PIP4K2B: variants seen among roughly 807,000 people sequenced by gnomAD.
The protein encoded by PIP4K2B is phosphatidylinositol 5-phosphate 4-kinase type-2 beta.
In PIP4K2B, 3 loss-of-function variants were observed where a neutral mutation model predicts 42.0. The observed-to-expected ratio is 0.07, with a 90% CI of 0.03 to 0.18. The LOEUF (loss-of-function observed/expected upper bound fraction) is 0.18, where lower values mean the gene tolerates loss of function less well. PIP4K2B is among the 10% of genes least tolerant of loss of function. The probability of loss-of-function intolerance (pLI) is 1.00; values close to 1 mark genes in which losing one functional copy is unlikely to be tolerated. For synonymous variants in PIP4K2B, 204 were observed against 210.1 expected (o/e 0.97, Z 0.25); for missense variants, 332 against 562.3 (o/e 0.59, Z 4.14).
chr17:38,791,924 C>T (rs1910363833), intron 1 of PIP4K2B, among the ~76,000 whole-genome samples: 1 of 150,296 alleles, frequency 6.7e-6, no homozygotes, highest in African/African-American at 2.4e-5. Flanking sequence ...CCCGTCTCTA[C>T]TAAAAAAAAA....
At chr17:38,775,175 G>C (rs927925085) in intron 7 of PIP4K2B, among the ~76,000 whole-genome samples, 2 of 152,038 alleles carry the variant, frequency 1.3e-5, no homozygotes, top group African/African-American at 4.8e-5. Context: ...GGATGGTCTC[G>C]ATCTCCTGAC....
chr17:38,781,869 G>A (rs1449038923), intron 3 of PIP4K2B, among the ~76,000 whole-genome samples: 2 of 151,530 alleles, frequency 1.3e-5, no homozygotes, highest in African/African-American at 4.9e-5. Context: ...CTGGAGTATA[G>A]TGGTGCGATC....
Position 38,768,283 on chromosome 17 carries a change from G to GAGC in PIP4K2B, c.*1407_*1408insGCT, listed in dbSNP as rs1908811527. Reference sequence around the variant, plus strand: ...TCTCTCCTGGCCAGAGCAGCCTGTGGCTCAGTTCTGAGGGCCTGGGTGGCA... The same window carrying GAGC: ...TCTCTCCTGGCCAGAGCAGCCTGTGGAGCCTCAGTTCTGAGGGCCTGGGTGGCA... On this transcript the variant is annotated 3_prime_UTR_variant, in exon 10 of 10. Transcript: ENST00000619039. The GAGC allele has an allele frequency of 1.3e-5, 2 of 152,348 alleles. No homozygotes were observed. The highest frequency in any genetic ancestry group is 2.9e-5 in the Non-Finnish European group (2 of 68,054). The allele number at this position is 152,348 out of a possible 1,614,324, so 9.4% of individuals were successfully genotyped here.
chr17:38,783,910 T>C (rs1246174249), intron 3 of PIP4K2B, among the ~76,000 whole-genome samples: 2 of 152,150 alleles, frequency 1.3e-5, no homozygotes, highest in African/African-American at 4.8e-5. Flanking sequence ...CCAGTTCTCT[T>C]TGAAGTCAAA....
chr17:38,788,177 A>AATTTATTT (rs56975985), intron 1 of PIP4K2B, among the ~76,000 whole-genome samples: 4,240 of 144,386 alleles, frequency 0.029, 157 homozygotes, highest in Admixed American at 0.096. Context: ...TAATAGATTA[A>AATTTATTT]ATTTATTTAT....
At chr17:38,792,411 G>A (rs1476159152) in intron 1 of PIP4K2B, among the ~76,000 whole-genome samples, 1 of 152,162 alleles carries the variant, frequency 6.6e-6, no homozygotes, top group African/African-American at 2.4e-5. Context: ...CTCAAAGTGA[G>A]AGGTATGATT....
At chr17:38,795,957 G>A (rs1910638305) in intron 1 of PIP4K2B, among the ~76,000 whole-genome samples, 1 of 152,040 alleles carries the variant, frequency 6.6e-6, no homozygotes, top group South Asian at 2.1e-4. Flanking sequence ...TGGCCGACAT[G>A]GTGAAACCTT....
intron 7 of PIP4K2B, among the ~76,000 whole-genome samples, chr17:38,777,078 G>C (rs1032903089): frequency 1.3e-5 from 2 of 151,892 alleles, no homozygotes. Context: ...TTCGGTTTTT[G>C]TTTTGAGACA....
At chr17:38,788,670 A>G (rs1910173996) in intron 1 of PIP4K2B, among the ~76,000 whole-genome samples, 1 of 151,620 alleles carries the variant, frequency 6.6e-6, no homozygotes, top group Non-Finnish European at 1.5e-5. Flanking sequence ...CACCCTGGGC[A>G]ACACAGCAAG....
At chr17:38,797,078 G>A (rs1910691729) in intron 1 of PIP4K2B, among the ~76,000 whole-genome samples, 1 of 152,232 alleles carries the variant, frequency 6.6e-6, no homozygotes, top group Admixed American at 6.5e-5. Flanking sequence ...CAGGGCAGTG[G>A]TGGGAAGTTC....
At chr17:38,784,931 G>A (rs1909924618) in intron 2 of PIP4K2B, among the ~76,000 whole-genome samples, 1 of 152,172 alleles carries the variant, frequency 6.6e-6, no homozygotes, top group Non-Finnish European at 1.5e-5. Flanking sequence ...AATGCTACAA[G>A]GAAAAACCTC....
At chr17:38,772,119 A>C (rs1297251783) in intron 7 of PIP4K2B, among the ~76,000 whole-genome samples, 1 of 152,204 alleles carries the variant, frequency 6.6e-6, no homozygotes, top group Non-Finnish European at 1.5e-5. Context: ...TGGATATGAC[A>C]CAACAATATA....
intron 7 of PIP4K2B, among the ~76,000 whole-genome samples, chr17:38,774,256 A>C (rs1240496162): frequency 6.6e-6 from 1 of 152,206 alleles, no homozygotes; most frequent in African/African-American, 2.4e-5. Context: ...GACTGAGTAA[A>C]GCAGATGGCC....
At chr17:38,791,815 C>T (rs183951376) in intron 1 of PIP4K2B, among the ~76,000 whole-genome samples, 16 of 146,814 alleles carry the variant, frequency 1.1e-4, no homozygotes, top group African/African-American at 4.0e-4. Context: ...CAGAGCTGGG[C>T]GTAGTGGCTC....
At chr17:38,793,331 T>C (rs1201412721) in intron 1 of PIP4K2B, among the ~76,000 whole-genome samples, 2 of 149,724 alleles carry the variant, frequency 1.3e-5, no homozygotes, top group Non-Finnish European at 3.0e-5. Context: ...GCAACCGCCG[T>C]CTCCCAGGTT....
chr17:38,780,592 G>A lies in PIP4K2B; in HGVS notation c.367C>T (p.Arg123Cys). ...CTGTCACTGTTGATGGGGGCGCTGC[G>A]CGTCACTGAATTCTGATAATCGAGA... is the stretch of plus-strand genomic sequence containing the variant. Reference protein sequence around the residue: ...DDQDYQNSVTRSAPINSDSQG... With the variant: ...DDQDYQNSVTCSAPINSDSQG... The change falls in exon 4 of 10, where the codon CGC becomes TGC. Residue 123 changes from arginine (R) to cysteine (C), a missense_variant. By Grantham distance (180) the Arg-to-Cys change is radical. Coordinates refer to ENST00000619039, the MANE Select transcript of PIP4K2B (RefSeq NM_003559.5). 1.2e-6 allele frequency: 2 copies of A among 1,611,502 alleles called. No homozygotes were observed. Among genetic ancestry groups the A allele is most frequent in the Non-Finnish European group, 1.7e-6 (2 of 1,177,878 alleles).
Position 38,788,220 on chromosome 17 carries a change from A to ATT in PIP4K2B, c.160-1301_160-1300insAA, listed in dbSNP as rs1910147307. On this transcript the variant is annotated intron_variant, in intron 1 of 9. Coordinates refer to ENST00000619039, the MANE Select transcript of PIP4K2B (RefSeq NM_003559.5). The stretch of plus-strand genomic sequence containing the variant: ...TTTATTTATTTATTTATTTATTTAT[A>ATT]GACAGAGTCTCACTGTGTCGCCCAG... Among the ~76,000 whole-genome samples, 16 of 136,972 alleles carry ATT rather than the reference A, an allele frequency of 1.2e-4. No individual in the cohort carries two copies. The Admixed American group carries it at 1.3e-3, about 11-fold the overall frequency. The allele number at this position is 136,972 out of a possible 152,430, so 89.9% of individuals were successfully genotyped here. A position where few individuals can be genotyped will look rare whatever the true frequency, so the allele number is the denominator to read the frequency against.
At position 38,779,488 on chromosome 17, in the gene PIP4K2B, G is replaced by C; in HGVS notation, c.549C>G (p.Phe183Leu). 1 of 1,614,022 alleles carries C rather than the reference G, an allele frequency of 6.2e-7. No homozygotes were observed. Among genetic ancestry groups the C allele is most frequent in the Non-Finnish European group, 8.5e-7 (1 of 1,179,886 alleles). ...CCACGGTCAGGCGGTACATGCCCAGGAACTGTGGCAAAAGCGTGTTGCCAT... is the reference window on the plus strand; with the variant it reads ...CCACGGTCAGGCGGTACATGCCCAGCAACTGTGGCAAAAGCGTGTTGCCAT... ...ECHGNTLLPQFLGMYRLTVDG... is the reference protein window; with the variant it reads ...ECHGNTLLPQLLGMYRLTVDG... Residue 183 changes from phenylalanine to leucine, a missense_variant, in exon 5 of 10, where the codon TTC (phenylalanine) becomes TTG (leucine). Transcript: ENST00000619039.
chr17:38,777,413 G>C (rs1317689751), intron 7 of PIP4K2B, among the ~76,000 whole-genome samples: 1 of 152,090 alleles, frequency 6.6e-6, no homozygotes, highest in Non-Finnish European at 1.5e-5. Context: ...AACAGCAGAA[G>C]GGAGTTTGAA....
Sources: gnomAD v4.1 joint callset for allele counts (sites outside exome capture counted in the v4.1 genomes callset) on GRCh38, gnomAD v4.1.1 for gene constraint, MANE v1.5 for transcripts, NCBI Gene and HGNC (gene_info 2026-07-23, HGNC 2026-07-21) for gene names.